The following MACROD1 variants were observed in gnomAD, a reference collection of about 807,000 sequenced individuals.
MACROD1 encodes mono-ADP ribosylhydrolase 1.
MACROD1 carries 31 observed loss-of-function variants against 41.4 expected under a neutral mutation model. The observed-to-expected ratio is 0.75, with a 90% confidence interval of 0.56 to 1.01. MACROD1 has a LOEUF of 1.01. Among genes scored for constraint, MACROD1 ranks in the 50% least tolerant of loss-of-function variants. The pLI, the probability that MACROD1 is intolerant of heterozygous loss-of-function variation, is 0.00. For missense variants in MACROD1, 473 were observed against 460.0 expected (o/e 1.03, Z -0.26); for synonymous variants, 252 against 203.4 (o/e 1.24, Z -2.03).
intron 1 of MACROD1, among the ~76,000 whole-genome samples, chr11:64,155,020 C>G (rs1945646025): frequency 6.6e-6 from 1 of 152,142 alleles, no homozygotes; most frequent in Admixed American, 6.6e-5. Context: ...CGCCGGCCCC[C>G]TTTCTTGATC....
intron 1 of MACROD1, among the ~76,000 whole-genome samples, chr11:64,153,541 C>A (rs974832529): frequency 2.0e-5 from 3 of 152,252 alleles, no homozygotes; most frequent in African/African-American, 7.2e-5. Context: ...GTTTTCCCGG[C>A]CAGAGTCACT....
Position 64,152,271 on chromosome 11 carries a change from C to T in MACROD1, c.400+21G>A, listed in dbSNP as rs141141386. On this transcript the variant is annotated intron_variant, in intron 2 of 10. Coordinates refer to ENST00000255681, the MANE Select transcript of MACROD1 (RefSeq NM_014067.4). The stretch of plus-strand genomic sequence containing the variant: ...CGGGTCTGGAGCCTGCCCACCAGGG[C>T]CTCCCCCGAGCAGGGCCTACCTTTC... The T allele has an allele frequency of 1.2e-3, 1,895 of 1,610,502 alleles. 32 individuals carry two copies. The East Asian group carries it at 0.037, about 31-fold the overall frequency.
chr11:64,016,058 C>G, intron 3 of MACROD1, among the ~76,000 whole-genome samples: 1 of 152,218 alleles, frequency 6.6e-6, no homozygotes, highest in East Asian at 1.9e-4. Flanking sequence ...GGGTCCCCGC[C>G]CCCTCCTTGG....
At chr11:64,145,869 A>C (rs2134690807) in intron 3 of MACROD1, among the ~76,000 whole-genome samples, 1 of 152,220 alleles carries the variant, frequency 6.6e-6, no homozygotes, top group South Asian at 2.1e-4. Context: ...TCCCAGGTTC[A>C]AGCAATTCTT....
chr11:64,058,239 C>G (rs1448210122), intron 3 of MACROD1, among the ~76,000 whole-genome samples: 1 of 152,252 alleles, frequency 6.6e-6, no homozygotes, highest in East Asian at 1.9e-4. Context: ...AGCAGGGTAA[C>G]CTGCTCCTGC....
At chr11:64,041,621 G>A (rs1448904242) in intron 3 of MACROD1, among the ~76,000 whole-genome samples, 1 of 152,010 alleles carries the variant, frequency 6.6e-6, no homozygotes, top group African/African-American at 2.4e-5. Context: ...AGCCAGGACC[G>A]AATGACCGCC....
intron 3 of MACROD1, among the ~76,000 whole-genome samples, chr11:64,037,414 C>T (rs1350049941): frequency 1.3e-5 from 2 of 152,208 alleles, no homozygotes; most frequent in Non-Finnish European, 2.9e-5. Flanking sequence ...CTTCCGCCAG[C>T]CCCGGGAGGA....
At chr11:64,071,973 G>A (rs1944115770) in intron 3 of MACROD1, among the ~76,000 whole-genome samples, 1 of 152,220 alleles carries the variant, frequency 6.6e-6, no homozygotes, top group African/African-American at 2.4e-5. Context: ...GCTGCCGAGG[G>A]GAACGGGCTG....
At chr11:64,070,602 C>G (rs1462267905) in intron 3 of MACROD1, among the ~76,000 whole-genome samples, 4 of 152,212 alleles carry the variant, frequency 2.6e-5, no homozygotes, top group Non-Finnish European at 4.4e-5. Context: ...CGGAGGGGCC[C>G]CCTTCCCAGA....
At chr11:64,112,580 A>G (rs1288897126) in intron 3 of MACROD1, among the ~76,000 whole-genome samples, 1 of 152,168 alleles carries the variant, frequency 6.6e-6, no homozygotes, top group Non-Finnish European at 1.5e-5. Context: ...GGTGGTAAAT[A>G]CTATAGGCAA....
intron 3 of MACROD1, among the ~76,000 whole-genome samples, chr11:64,040,198 C>G (rs578232058): frequency 6.6e-6 from 1 of 151,574 alleles, no homozygotes; most frequent in Non-Finnish European, 1.5e-5. Flanking sequence ...ACCTCTTCCC[C>G]GTGAAGCCTT....
chr11:64,151,987 G>A (rs1414345266), intron 2 of MACROD1, among the ~76,000 whole-genome samples: 1 of 152,154 alleles, frequency 6.6e-6, no homozygotes, highest in African/African-American at 2.4e-5. Context: ...AAATTATCCA[G>A]GCATGGTGGT....
intron 2 of MACROD1, among the ~76,000 whole-genome samples, chr11:64,151,640 G>A (rs922690034): frequency 6.6e-6 from 1 of 152,184 alleles, no homozygotes; most frequent in Non-Finnish European, 1.5e-5. Context: ...AGGATTAGGT[G>A]GGTCAGAGAC....
intron 3 of MACROD1, among the ~76,000 whole-genome samples, chr11:64,115,691 T>G (rs1000621433): frequency 4.6e-5 from 7 of 152,204 alleles, no homozygotes; most frequent in African/African-American, 1.7e-4. Flanking sequence ...CTCCTGGGCC[T>G]TCCAGCAACA....
At chr11:64,143,179 A>G (rs1565257373) in intron 3 of MACROD1, among the ~76,000 whole-genome samples, 1 of 151,960 alleles carries the variant, frequency 6.6e-6, no homozygotes, top group Non-Finnish European at 1.5e-5. Context: ...AAAGAAAGGA[A>G]AAAGGGAAAG....
At chr11:64,100,547 C>T (rs1252019229) in intron 3 of MACROD1, among the ~76,000 whole-genome samples, 1 of 152,196 alleles carries the variant, frequency 6.6e-6, no homozygotes, top group Non-Finnish European at 1.5e-5. Flanking sequence ...AGAAGGGTGG[C>T]CACTGGGGGT....
In MACROD1 at chr11:64,165,733, C is replaced by A. The variant is rs745486265; in HGVS notation, c.262G>T (p.Asp88Tyr). ...WAPLAMAAKV[D>Y]LSTSTDWKEA... ...TTCCAGTCGGTGGAGGTGCTCAGGTCCACCTTCGCCGCCATGGCCAGGGGG... is the reference window on the plus strand; with the variant it reads ...TTCCAGTCGGTGGAGGTGCTCAGGTACACCTTCGCCGCCATGGCCAGGGGG... The change falls in exon 1 of 11, where the codon GAC becomes TAC. Residue 88 changes from aspartate to tyrosine, a missense_variant. Transcript: ENST00000255681. The A allele has an allele frequency of 6.7e-7, 1 of 1,495,114 alleles. No homozygotes were observed. The highest frequency in any genetic ancestry group is 2.5e-5 in the Admixed American group (1 of 40,740). The allele number at this position is 1,495,114 out of a possible 1,614,324, so 92.6% of individuals were successfully genotyped here.
intron 3 of MACROD1, chr11:64,118,050 A>G: frequency 1.2e-6 from 2 of 1,613,580 alleles, no homozygotes; most frequent in Non-Finnish European, 1.7e-6. Context: ...CCGGGGCAGC[A>G]GGAAAAAGGA....
intron 3 of MACROD1, among the ~76,000 whole-genome samples, chr11:64,030,350 C>G (rs936440966): frequency 6.6e-6 from 1 of 152,194 alleles, no homozygotes; most frequent in African/African-American, 2.4e-5. Flanking sequence ...CTGATGCTCG[C>G]TCCTGTTTAA....
Sources: gnomAD v4.1 joint callset for allele counts (sites outside exome capture counted in the v4.1 genomes callset) on GRCh38, gnomAD v4.1.1 for gene constraint, MANE v1.5 for transcripts, NCBI Gene and HGNC (gene_info 2026-07-23, HGNC 2026-07-21) for gene names.